LHFPL2: variants seen among roughly 807,000 people sequenced by gnomAD.
LHFPL2 encodes LHFPL tetraspan subfamily member 2.
LHFPL2 carries 7 observed loss-of-function variants against 17.5 expected under a neutral mutation model. That is an observed-to-expected ratio of 0.40 (90% CI 0.23 to 0.75). The LOEUF is 0.75. LHFPL2 is among the 30% of genes least tolerant of loss of function. The probability of loss-of-function intolerance (pLI) is 0.37; values close to 1 mark genes in which losing one functional copy is unlikely to be tolerated. For missense variants in LHFPL2, 241 were observed against 294.8 expected (o/e 0.82, Z 1.34); for synonymous variants, 134 against 116.2 (o/e 1.15, Z -0.99).
chr5:78,490,746 C>CAAAAAAAAAAAAAAAAA lies in LHFPL2; in HGVS notation c.431-1610_431-1594dup, dbSNP rs370809060. Among the ~76,000 whole-genome samples the CAAAAAAAAAAAAAAAAA allele has an allele frequency of 5.6e-4, 52 of 92,118 alleles. 1 individual carries two copies. Among genetic ancestry groups the CAAAAAAAAAAAAAAAAA allele is most frequent in the African/African-American group, 2.3e-3 (48 of 20,592 alleles). The allele number at this position is 92,118 out of a possible 152,430, so 60.4% of individuals were successfully genotyped here. On this transcript the variant is annotated intron_variant, in intron 4 of 4. Transcript: ENST00000380345. The stretch of plus-strand genomic sequence containing the variant: ...CTGGCAAAAGAGTGAGACTCCCTCT[C>CAAAAAAAAAAAAAAAAA]AAAAAAAAAAAAAAAAAAGCAAGAT...
Position 78,640,095 on chromosome 5 carries a change from C to T in LHFPL2, c.-349-7727G>A, listed in dbSNP as rs138903367. The stretch of plus-strand genomic sequence containing the variant: ...TAGAATCAGGAGAGGAAAAAGAGTC[C>T]CTCTTAATTTTCCGGGCATGTGGGG... On this transcript the variant is annotated intron_variant, in intron 1 of 4. Transcript: ENST00000380345. 5.3e-5 allele frequency among the ~76,000 whole-genome samples: 8 copies of T among 152,084 alleles called. No individual in the cohort carries two copies. In the East Asian group the frequency reaches 1.5e-3, roughly 29 times the overall value.
intron 2 of LHFPL2, among the ~76,000 whole-genome samples, chr5:78,581,342 G>C (rs1034139511): frequency 1.3e-5 from 2 of 152,124 alleles, no homozygotes; most frequent in African/African-American, 4.8e-5. Context: ...AATAGGAGTG[G>C]TGAGAGAGGG....
chr5:78,501,050 T>C (rs1754757531), intron 4 of LHFPL2, among the ~76,000 whole-genome samples: 2 of 152,214 alleles, frequency 1.3e-5, no homozygotes, highest in African/African-American at 4.8e-5. Context: ...TTCTGAACAC[T>C]AGAGGTATAA....
At chr5:78,604,480 G>A (rs561801430) in intron 2 of LHFPL2, among the ~76,000 whole-genome samples, 34 of 152,192 alleles carry the variant, frequency 2.2e-4, no homozygotes, top group African/African-American at 7.7e-4. Flanking sequence ...GCAAGATCCC[G>A]TCTCAAAAAA....
At chr5:78,626,758 G>GT (rs1019642989) in intron 2 of LHFPL2, 83 of 150,320 alleles carry the variant, frequency 5.5e-4, no homozygotes, top group Admixed American at 5.3e-4. Flanking sequence ...CTCAAGAGAA[G>GT]TTTTTTTTTT....
chr5:78,588,501 A>G (rs990161137), intron 2 of LHFPL2, among the ~76,000 whole-genome samples: 1 of 152,214 alleles, frequency 6.6e-6, no homozygotes, highest in Non-Finnish European at 1.5e-5. Flanking sequence ...CCATCTGGGT[A>G]CCTTAGTTTT....
At chr5:78,496,426 C>G (rs1754608829) in intron 4 of LHFPL2, among the ~76,000 whole-genome samples, 1 of 152,188 alleles carries the variant, frequency 6.6e-6, no homozygotes, top group African/African-American at 2.4e-5. Context: ...AACATAGCAG[C>G]CCATCTAACT....
intron 2 of LHFPL2, among the ~76,000 whole-genome samples, chr5:78,617,725 T>G (rs1163681186): frequency 1.3e-5 from 2 of 152,148 alleles, no homozygotes; most frequent in South Asian, 2.1e-4. Context: ...GGGCGCCGGA[T>G]GAAGGCAGGA....
chr5:78,550,011 C>T (rs933777977), intron 3 of LHFPL2, among the ~76,000 whole-genome samples: 2 of 152,178 alleles, frequency 1.3e-5, no homozygotes, highest in African/African-American at 2.4e-5. Flanking sequence ...TGAGCATTGA[C>T]AGAAGTCTTG....
chr5:78,496,795 T>C (rs910987724), intron 4 of LHFPL2, among the ~76,000 whole-genome samples: 2 of 152,262 alleles, frequency 1.3e-5, no homozygotes, highest in Admixed American at 1.3e-4. Context: ...GAAGCCTCAC[T>C]GGCTTTTCCT....
At position 78,488,791 on chromosome 5, in the gene LHFPL2, G is replaced by A. The variant is rs953453031; in HGVS notation, c.*106C>T. The A allele has an allele frequency of 1.2e-4, 160 of 1,326,196 alleles. No homozygotes were observed. Among genetic ancestry groups the A allele is most frequent in the African/African-American group, 5.8e-5 (4 of 68,540 alleles). 82.2% of individuals were successfully genotyped at this position (1,326,196 alleles called of 1,614,324 possible). A position where few individuals can be genotyped will look rare whatever the true frequency, so the allele number is the denominator to read the frequency against. The stretch of plus-strand genomic sequence containing the variant: ...CTGTTTAAGCCTCGGGCCGTGGAAC[G>A]TGGCTTTGGTAGGTAAAGGTTAGTT... On this transcript the variant is annotated 3_prime_UTR_variant, in exon 5 of 5. Transcript: ENST00000380345.
In LHFPL2 at chr5:78,507,436, T is replaced by G. The variant is rs1580755015; in HGVS notation, c.430+2348A>C. ...GCAATAATGAACACCTTGCCATTAA[T>G]GTGATGCACACCAGAGTACCAAAAT... is the stretch of plus-strand genomic sequence containing the variant. On this transcript the variant is annotated intron_variant, in intron 4 of 4. Transcript: ENST00000380345. 6.6e-5 allele frequency among the ~76,000 whole-genome samples: 10 copies of G among 152,306 alleles called. No individual in the cohort carries two copies. In the South Asian group the frequency reaches 2.1e-3, roughly 32 times the overall value.
intron 2 of LHFPL2, among the ~76,000 whole-genome samples, chr5:78,601,352 C>T (rs1744006570): frequency 6.6e-6 from 1 of 152,056 alleles, no homozygotes; most frequent in Admixed American, 6.5e-5. Context: ...AAGGCAGGTC[C>T]CAGAGCAGAC....
At chr5:78,632,199 A>T (rs1316764845) in intron 2 of LHFPL2, 65 bp downstream of exon 2, 1 of 152,176 alleles carries the variant, frequency 6.6e-6, no homozygotes, top group East Asian at 1.9e-4. Flanking sequence ...TTTTCTTTCT[A>T]TTGAATGAGA....
intron 2 of LHFPL2, among the ~76,000 whole-genome samples, chr5:78,584,052 C>A (rs1743267160): frequency 6.6e-6 from 1 of 152,040 alleles, no homozygotes; most frequent in South Asian, 2.1e-4. Flanking sequence ...ATCGCTGATA[C>A]CCTTTCTTCC....
rs115077607 is a variant in LHFPL2, at chr5:78,611,735, A to C, written c.-245+20529T>G. Reference sequence around the variant, plus strand: ...TTAAGCAAGGGAGTGAAAGTGGTCTAATTTGCCACCTAATTTACATTTTTA... The same window carrying C: ...TTAAGCAAGGGAGTGAAAGTGGTCTCATTTGCCACCTAATTTACATTTTTA... On this transcript the variant is annotated intron_variant, in intron 2 of 4. Coordinates refer to ENST00000380345, the MANE Select transcript of LHFPL2 (RefSeq NM_005779.3). 3.4e-3 allele frequency among the ~76,000 whole-genome samples: 511 copies of C among 152,332 alleles called. 4 individuals carry two copies. Among genetic ancestry groups the C allele is most frequent in the African/African-American group, 0.012 (497 of 41,562 alleles).
At chr5:78,492,214 G>C (rs945358603) in intron 4 of LHFPL2, among the ~76,000 whole-genome samples, 4 of 152,216 alleles carry the variant, frequency 2.6e-5, no homozygotes, top group Non-Finnish European at 5.9e-5. Flanking sequence ...CTAAAGCTCT[G>C]AGTGTAGGCC....
At chr5:78,615,076 T>C (rs986445704) in intron 2 of LHFPL2, among the ~76,000 whole-genome samples, 1 of 152,192 alleles carries the variant, frequency 6.6e-6, no homozygotes, top group Non-Finnish European at 1.5e-5. Context: ...CCACCTACAA[T>C]GGGGGCAGTA....
chr5:78,607,301 C>T (rs769171949), intron 2 of LHFPL2, among the ~76,000 whole-genome samples: 15 of 151,776 alleles, frequency 9.9e-5, no homozygotes, highest in East Asian at 2.0e-4. Flanking sequence ...TTAGTAGAGA[C>T]GGGGTTTCAC....
Sources: allele counts gnomAD v4.1 joint callset (sites outside exome capture counted in the v4.1 genomes callset), GRCh38; gene constraint gnomAD v4.1.1; transcripts MANE v1.5; gene names NCBI Gene and HGNC (gene_info 2026-07-23, HGNC 2026-07-21).